Variants in ZDHHC17 observed in about 807,000 individuals in gnomAD.
ZDHHC17 encodes the protein palmitoyltransferase ZDHHC17.
A neutral mutation model predicts 90.3 loss-of-function variants in ZDHHC17; 40 were observed. The observed-to-expected ratio is 0.44, with a 90% CI of 0.34 to 0.58. The LOEUF (loss-of-function observed/expected upper bound fraction) is 0.58. ZDHHC17 is among the 20% of genes least tolerant of loss of function. ZDHHC17 has a pLI of 0.01. For synonymous variants in ZDHHC17, 235 were observed against 252.4 expected (o/e 0.93, Z 0.65); for missense variants, 614 against 780.8 (o/e 0.79, Z 2.55).
chr12:76,807,709 G>C (rs1006762674), intron 3 of ZDHHC17, among the ~76,000 whole-genome samples: 3 of 152,150 alleles, frequency 2.0e-5, no homozygotes, highest in African/African-American at 7.2e-5. Context: ...CACTGACATG[G>C]ACCTAGTGAT....
rs911535887 is a variant in ZDHHC17, at chr12:76,793,621, G to A, written c.94-3813G>A. Among the ~76,000 whole-genome samples the A allele has an allele frequency of 4.4e-4, 67 of 152,144 alleles. 2 individuals carry two copies. The highest frequency in any genetic ancestry group is 2.9e-5 in the Non-Finnish European group (2 of 68,016). Reference sequence around the variant, plus strand: ...TTTTTGCTTATTTTATCCAAATCCCGTTTTACGAAGGAGAGATCTGTACCC... The same window carrying A: ...TTTTTGCTTATTTTATCCAAATCCCATTTTACGAAGGAGAGATCTGTACCC... On this transcript the variant is annotated intron_variant, in intron 1 of 16. Transcript: ENST00000426126.
chr12:76,834,625 T>A (rs74104874), intron 10 of ZDHHC17, among the ~76,000 whole-genome samples: 10 of 152,362 alleles, frequency 6.6e-5, no homozygotes, highest in African/African-American at 2.4e-4. Flanking sequence ...TTCATGAATT[T>A]TAATAATATT....
At chr12:76,804,674 C>T (rs934524919) in intron 2 of ZDHHC17, among the ~76,000 whole-genome samples, 2 of 152,122 alleles carry the variant, frequency 1.3e-5, no homozygotes, top group Non-Finnish European at 2.9e-5. Flanking sequence ...GATAATAAAA[C>T]TTAGGCGGCG....
Position 76,781,026 on chromosome 12 carries a change from C to G in ZDHHC17, c.94-16408C>G, listed in dbSNP as rs1313016965. On this transcript the variant is annotated intron_variant, in intron 1 of 16. Coordinates refer to ENST00000426126, the MANE Select transcript of ZDHHC17 (RefSeq NM_015336.4). ...GCAGGCGCCCGTAGTCCCAGCTACT[C>G]GGGAGGCTGAGGCTGGAGAATGGTG... is the stretch of plus-strand genomic sequence containing the variant. Among the ~76,000 whole-genome samples the G allele has an allele frequency of 2.0e-5, 3 of 147,602 alleles. 1 individual carries two copies. The South Asian group carries it at 6.5e-4, about 32-fold the overall frequency.
chr12:76,784,117 C>T (rs965860680), intron 1 of ZDHHC17, among the ~76,000 whole-genome samples: 1 of 152,224 alleles, frequency 6.6e-6, no homozygotes, highest in African/African-American at 2.4e-5. Flanking sequence ...CTAAACTAAA[C>T]TAGCACATAT....
At chr12:76,766,144 T>C (rs1952428136) in intron 1 of ZDHHC17, among the ~76,000 whole-genome samples, 1 of 152,220 alleles carries the variant, frequency 6.6e-6, no homozygotes, top group South Asian at 2.1e-4. Context: ...AGGCTTGAAA[T>C]TTAGCTACCG....
At chr12:76,819,622 C>T (rs181091750) in intron 7 of ZDHHC17, among the ~76,000 whole-genome samples, 19 of 152,246 alleles carry the variant, frequency 1.2e-4, no homozygotes, top group African/African-American at 4.3e-4. Flanking sequence ...TTTACCTTCA[C>T]ATATTAGTTA....
chr12:76,813,235 G>A (rs906089492), intron 5 of ZDHHC17: 1 of 342,836 alleles, frequency 2.9e-6, no homozygotes, highest in Non-Finnish European at 5.7e-6. Flanking sequence ...AGTAAAAGAA[G>A]TCACAATAGT....
chr12:76,782,081 A>T (rs779989588), intron 1 of ZDHHC17, among the ~76,000 whole-genome samples: 7 of 152,184 alleles, frequency 4.6e-5, no homozygotes, highest in Non-Finnish European at 7.3e-5. Context: ...GAACTTTAGC[A>T]CCTCCAGCCT....
At chr12:76,816,743 G>A (rs1953092437) in intron 7 of ZDHHC17, among the ~76,000 whole-genome samples, 1 of 151,952 alleles carries the variant, frequency 6.6e-6, no homozygotes, top group Non-Finnish European at 1.5e-5. Flanking sequence ...CCTTGATTCA[G>A]TTACTTTAAG....
At position 76,815,970 on chromosome 12, in the gene ZDHHC17, T is replaced by C. The variant is rs1350662704; in HGVS notation, c.722T>C (p.Ile241Thr). The C allele has an allele frequency of 6.4e-7, 1 of 1,574,730 alleles. No individual in the cohort carries two copies. Among genetic ancestry groups the C allele is most frequent in the Non-Finnish European group, 8.6e-7 (1 of 1,159,554 alleles). The change falls in exon 7 of 17, where the codon ATT becomes ACT. Residue 241 changes from isoleucine to threonine, a missense_variant. Transcript: ENST00000426126. Reference sequence around the variant, plus strand: ...GTGCTAGCAGGGAATACCACAGTCATTAGCCTTCTTCTGGAAGCTGGAGCT... The same window carrying C: ...GTGCTAGCAGGGAATACCACAGTCACTAGCCTTCTTCTGGAAGCTGGAGCT... ...WAVLAGNTTV[I>T]SLLLEAGANV...
intron 2 of ZDHHC17, among the ~76,000 whole-genome samples, chr12:76,800,936 G>A (rs1293997078): frequency 1.4e-5 from 2 of 142,994 alleles, no homozygotes; most frequent in East Asian, 4.1e-4. Context: ...CGCCTAGGCT[G>A]GAGTGCCATG....
At chr12:76,847,679 G>C (rs191619553) in intron 14 of ZDHHC17, among the ~76,000 whole-genome samples, 26 of 152,238 alleles carry the variant, frequency 1.7e-4, no homozygotes, top group African/African-American at 6.0e-4. Context: ...CGTAGGAAGA[G>C]AGACCCCATC....
intron 2 of ZDHHC17, among the ~76,000 whole-genome samples, chr12:76,800,623 C>T (rs1207440223): frequency 1.3e-5 from 2 of 152,268 alleles, no homozygotes; most frequent in East Asian, 3.9e-4. Flanking sequence ...TGTAACCATT[C>T]TTGATTTAAA....
intron 1 of ZDHHC17, among the ~76,000 whole-genome samples, chr12:76,780,991 G>A (rs572702718): frequency 1.3e-5 from 2 of 151,960 alleles, no homozygotes; most frequent in East Asian, 3.9e-4. Flanking sequence ...AAAATTACCC[G>A]GGCGTGGTAG....
intron 10 of ZDHHC17, among the ~76,000 whole-genome samples, chr12:76,831,156 A>G (rs943863798): frequency 6.6e-6 from 1 of 152,224 alleles, no homozygotes; most frequent in Non-Finnish European, 1.5e-5. Context: ...GGGAGATAAT[A>G]GTAGCACTGT....
rs145626190 is a variant in ZDHHC17, at chr12:76,808,668, A to C, written c.321-375A>C. Among the ~76,000 whole-genome samples, 882 of 152,330 alleles carry C rather than the reference A, an allele frequency of 5.8e-3. 10 individuals carry two copies. Among genetic ancestry groups the C allele is most frequent in the African/African-American group, 0.021 (858 of 41,584 alleles). ...AATCTTAAGGAAAGTAAGGCTTAAA[A>C]AGCTGAGCTACCCAAGGTAGACCAT... On this transcript the variant is annotated intron_variant, in intron 3 of 16. Transcript: ENST00000426126.
intron 1 of ZDHHC17, among the ~76,000 whole-genome samples, chr12:76,783,065 T>G (rs1362876445): frequency 6.6e-6 from 1 of 152,154 alleles, no homozygotes; most frequent in East Asian, 1.9e-4. Flanking sequence ...AGAAGAGGGC[T>G]CAGAGGAGGC....
At chr12:76,806,688 T>C (rs1488934083) in intron 3 of ZDHHC17, among the ~76,000 whole-genome samples, 1 of 152,158 alleles carries the variant, frequency 6.6e-6, no homozygotes, top group Non-Finnish European at 1.5e-5. Context: ...ATTTTTTGTA[T>C]TTTTGGTAGA....
Sources: allele counts gnomAD v4.1 joint callset (sites outside exome capture counted in the v4.1 genomes callset), GRCh38; gene constraint gnomAD v4.1.1; transcripts MANE v1.5; gene names NCBI Gene and HGNC (gene_info 2026-07-23, HGNC 2026-07-21).